Variants in DOCK1 observed in about 807,000 individuals in gnomAD.
The protein encoded by DOCK1 is dedicator of cytokinesis protein 1.
A neutral mutation model predicts 262.7 loss-of-function variants in DOCK1; 138 were observed. The ratio of observed to expected loss-of-function variants is 0.53; its 90% CI spans 0.46 to 0.61. The LOEUF is 0.61. Ranked by LOEUF, DOCK1 falls within the 20% of genes least tolerant of loss-of-function variation. The probability of loss-of-function intolerance (pLI) is 0.00; values close to 1 mark genes in which losing one functional copy is unlikely to be tolerated. For missense variants in DOCK1, 1,908 were observed against 2,370.7 expected (o/e 0.80, Z 4.05); for synonymous variants, 866 against 867.4 (o/e 1.00, Z 0.03).
Position 127,043,046 on chromosome 10 carries a change from TATTG to T in DOCK1, c.2101-14_2101-11del. ...TACATTATGTTGCTAATGAAAATAT[TATTG>T]ATTAATTTGACAGGTATTTATCATT... On this transcript the variant is annotated splice_polypyrimidine_tract_variant and intron_variant, in intron 20 of 51. Transcript: ENST00000623213. 6.4e-7 allele frequency: 1 copy of T among 1,559,396 alleles called. No homozygotes were observed.
chr10:127,360,358 C>G (rs2064353070), intron 32 of DOCK1, among the ~76,000 whole-genome samples: 1 of 144,086 alleles, frequency 6.9e-6, no homozygotes. Flanking sequence ...CAACCCACAA[C>G]TAGCAGGAGG....
chr10:127,346,794 C>T (rs750255080), intron 31 of DOCK1, among the ~76,000 whole-genome samples: 38 of 152,162 alleles, frequency 2.5e-4, no homozygotes, highest in African/African-American at 8.9e-4. Context: ...TTTGTCACAA[C>T]GATAGCAACA....
In DOCK1 at chr10:127,032,184, C is replaced by G; in HGVS notation, c.1776C>G (p.Pro592=). ...ATGCTGCCACGTACTTGAGTCTGCC[C>G]TCCACGAAGGCAGAGTTGGAAGAAA... ...LEDAATYLSL[P]STKAELEEKG... The change falls in exon 18 of 52, where the codon CCC becomes CCG. Residue 592 remains proline (P), a synonymous_variant. Coordinates refer to ENST00000623213, the MANE Select transcript of DOCK1 (RefSeq NM_001290223.2). The G allele has an allele frequency of 6.3e-7, 1 of 1,598,916 alleles. No individual in the cohort carries two copies. The highest frequency in any genetic ancestry group is 8.5e-7 in the Non-Finnish European group (1 of 1,172,608).
intron 27 of DOCK1, among the ~76,000 whole-genome samples, chr10:127,215,798 TACC>T (rs1409557238): frequency 2.6e-5 from 4 of 152,080 alleles, no homozygotes. Context: ...AACCCAACTT[TACC>T]ATAGCAAAAA....
At chr10:127,107,665 C>T (rs952117522) in intron 24 of DOCK1, among the ~76,000 whole-genome samples, 6 of 152,220 alleles carry the variant, frequency 3.9e-5, no homozygotes, top group African/African-American at 1.4e-4. Context: ...CAAACTTTGG[C>T]TTCCTCCCCA....
At chr10:127,348,845 C>T (rs1362691836) in intron 31 of DOCK1, among the ~76,000 whole-genome samples, 1 of 152,162 alleles carries the variant, frequency 6.6e-6, no homozygotes, top group East Asian at 1.9e-4. Context: ...TGCCGTTTTG[C>T]AGCGTGACCT....
chr10:127,436,758 T>C (rs918631983), intron 48 of DOCK1, among the ~76,000 whole-genome samples: 9 of 152,174 alleles, frequency 5.9e-5, no homozygotes, highest in African/African-American at 1.9e-4. Flanking sequence ...ATATAAACTA[T>C]AGTAATATAG....
chr10:126,958,902 A>T (rs1406346345), intron 1 of DOCK1, among the ~76,000 whole-genome samples: 3 of 152,200 alleles, frequency 2.0e-5, no homozygotes, highest in Admixed American at 6.5e-5. Context: ...CACAGCCCTC[A>T]GGAGGTCCTG....
At chr10:127,093,227 C>CTTTCTTTTTTTTCTTTT (rs2047668100) in intron 23 of DOCK1, among the ~76,000 whole-genome samples, 1 of 67,830 alleles carries the variant, frequency 1.5e-5, no homozygotes, top group African/African-American at 5.8e-5. Flanking sequence ...TCTTTTCTTT[C>CTTTCTTTTTTTTCTTTT]TTTCTTTCTT....
Position 127,418,447 on chromosome 10 carries a change from T to A in DOCK1, c.4598T>A (p.Leu1533Gln). Reference sequence around the variant, plus strand: ...ATCAACAGCATGGTGCAGCAGCACCTGGATGACCCCAGCCTGCCCATCAAC... The same window carrying A: ...ATCAACAGCATGGTGCAGCAGCACCAGGATGACCCCAGCCTGCCCATCAAC... ...DKINSMVQQH[L>Q]DDPSLPINPL... Residue 1533 changes from leucine to glutamine, a missense_variant, in exon 45 of 52, where the codon CTG becomes CAG. By Grantham distance (113) the Leu-to-Gln change is moderately radical (BLOSUM62 -2). Coordinates refer to ENST00000623213, the MANE Select transcript of DOCK1 (RefSeq NM_001290223.2). The A allele has an allele frequency of 1.2e-6, 2 of 1,613,972 alleles. No individual in the cohort carries two copies. The highest frequency in any genetic ancestry group is 1.7e-6 in the Non-Finnish European group (2 of 1,179,982).
chr10:127,425,254 T>G (rs1033700290), intron 46 of DOCK1, among the ~76,000 whole-genome samples: 1 of 152,102 alleles, frequency 6.6e-6, no homozygotes, highest in Non-Finnish European at 1.5e-5. Context: ...CAGCAGCAAC[T>G]CTGGTGGGTC....
intron 5 of DOCK1, 75 bp downstream of exon 5, chr10:126,987,692 TG>T: frequency 7.7e-7 from 1 of 1,292,190 alleles, no homozygotes; most frequent in Admixed American, 2.6e-5. Flanking sequence ...GCCAATGGGA[TG>T]TTTTTTTTTC....
chr10:127,225,774 T>C (rs539087232), intron 27 of DOCK1, among the ~76,000 whole-genome samples: 135 of 152,312 alleles, frequency 8.9e-4, no homozygotes, highest in African/African-American at 3.1e-3. Context: ...ATATCAAACC[T>C]GATGTACCCA....
chr10:127,438,931 G>T, intron 48 of DOCK1, 96 bp from the exon 49 acceptor site: 6 of 1,293,794 alleles, frequency 4.6e-6, no homozygotes, highest in Non-Finnish European at 6.3e-6. Context: ...TGCTTTCATT[G>T]TAAATGTCTT....
intron 29 of DOCK1, among the ~76,000 whole-genome samples, chr10:127,295,387 C>A (rs1239486350): frequency 6.6e-6 from 1 of 152,072 alleles, no homozygotes; most frequent in African/African-American, 2.4e-5. Context: ...AGGGAAGGCA[C>A]CAAGTTATTC....
chr10:127,026,326 T>A (rs1350952247), intron 15 of DOCK1, 26 bp from the exon 16 acceptor site: 4 of 1,553,088 alleles, frequency 2.6e-6, no homozygotes, highest in Admixed American at 3.9e-5. Flanking sequence ...ATAACAGTGC[T>A]TAAACTTCTT....
chr10:127,320,176 A>G (rs1373352792), intron 29 of DOCK1, among the ~76,000 whole-genome samples: 1 of 152,040 alleles, frequency 6.6e-6, no homozygotes, highest in African/African-American at 2.4e-5. Flanking sequence ...GGCCTTGCAG[A>G]CACTGACCTT....
intron 23 of DOCK1, among the ~76,000 whole-genome samples, chr10:127,088,146 A>G (rs2047308276): frequency 6.6e-6 from 1 of 152,200 alleles, no homozygotes; most frequent in Non-Finnish European, 1.5e-5. Flanking sequence ...CAAGGGCCTC[A>G]TATTTTTCTT....
intron 1 of DOCK1, among the ~76,000 whole-genome samples, chr10:126,909,340 C>A (rs2133998634): frequency 6.6e-6 from 1 of 152,290 alleles, no homozygotes; most frequent in East Asian, 1.9e-4. Flanking sequence ...CTGCTAAGAG[C>A]CCAGCCAGCC....
Sources: gnomAD v4.1 joint callset for allele counts (sites outside exome capture counted in the v4.1 genomes callset) on GRCh38, gnomAD v4.1.1 for gene constraint, MANE v1.5 for transcripts, NCBI Gene and HGNC (gene_info 2026-07-23, HGNC 2026-07-21) for gene names.